TRPS1: variants seen among roughly 807,000 people sequenced by gnomAD.
The protein encoded by TRPS1 is zinc finger transcription factor Trps1.
A neutral mutation model predicts 101.2 loss-of-function variants in TRPS1; 6 were observed. The observed-to-expected ratio is 0.06, with a 90% confidence interval of 0.03 to 0.12. The LOEUF (loss-of-function observed/expected upper bound fraction) is 0.12. Among genes scored for constraint, TRPS1 ranks in the 10% least tolerant of loss-of-function variants. The pLI is 1.00. For missense variants in TRPS1, 1,363 were observed against 1,567.0 expected, an observed-to-expected ratio of 0.87 and a Z score of 2.20; for synonymous variants, 578 against 589.8, an observed-to-expected ratio of 0.98 and a Z score of 0.29.
chr8:115,589,981 G>A (rs546481302), intron 4 of TRPS1, among the ~76,000 whole-genome samples: 2 of 152,112 alleles, frequency 1.3e-5, no homozygotes, highest in African/African-American at 2.4e-5. Context: ...GCTGGGTGTG[G>A]TGGCGGGAGC....
intron 5 of TRPS1, among the ~76,000 whole-genome samples, chr8:115,527,867 C>T (rs750872481): frequency 2.9e-4 from 44 of 152,058 alleles, no homozygotes; most frequent in Non-Finnish European, 5.0e-4. Context: ...TATCTATTCT[C>T]AAAGTGTCAG....
rs764387571 is a variant in TRPS1, at chr8:115,414,368, C to G, written c.3540G>C (p.Ala1180=). 7.2e-5 allele frequency: 116 copies of G among 1,613,752 alleles called. No homozygotes were observed. The highest frequency in any genetic ancestry group is 9.4e-5 in the Non-Finnish European group (111 of 1,179,948). The change falls in exon 7 of 7, where the codon GCG becomes GCC. Residue 1180 remains alanine (A), a synonymous_variant. Transcript: ENST00000395715. This position sits in a 1 kb window ranked among gnomAD's most constrained non-coding sequence, Gnocchi z 4.8. The part of the protein sequence containing the change: ...GSDNDIPLDL[A]IKHSRPGPTA... ...TTGGCCCAGGTCTGGAATGCTTGAT[C>G]GCCAAATCTAGAGGAATGTCATTGT...
At chr8:115,530,302 T>C (rs1202309469) in intron 5 of TRPS1, among the ~76,000 whole-genome samples, 1 of 152,094 alleles carries the variant, frequency 6.6e-6, no homozygotes, top group Non-Finnish European at 1.5e-5. Context: ...AGCACTGTTC[T>C]GAGAAATTTA....
intron 5 of TRPS1, among the ~76,000 whole-genome samples, chr8:115,533,918 A>G (rs1003465273): frequency 6.6e-6 from 1 of 152,102 alleles, no homozygotes; most frequent in Admixed American, 6.5e-5. Context: ...ACTAATCCCC[A>G]TCAGACCAGG....
chr8:115,547,358 C>T (rs1182412936), intron 5 of TRPS1, among the ~76,000 whole-genome samples: 2 of 151,954 alleles, frequency 1.3e-5, no homozygotes, highest in East Asian at 1.9e-4. Flanking sequence ...TCTGCCTCTC[C>T]GTCTTTTTAA....
At chr8:115,595,295 G>C (rs1271633634) in intron 4 of TRPS1, among the ~76,000 whole-genome samples, 1 of 151,942 alleles carries the variant, frequency 6.6e-6, no homozygotes, top group Non-Finnish European at 1.5e-5. Flanking sequence ...TACTGCCACT[G>C]TAAAATGATA....
intron 5 of TRPS1, among the ~76,000 whole-genome samples, chr8:115,426,294 C>T (rs1385097871): frequency 6.6e-6 from 1 of 151,988 alleles, no homozygotes; most frequent in Non-Finnish European, 1.5e-5. Flanking sequence ...AAATTTGTTG[C>T]ATATTTTATT....
Position 115,509,644 on chromosome 8 carries a change from T to C in TRPS1, c.2700+77357A>G, listed in dbSNP as rs150694671. The C allele has an allele frequency of 1.5e-4, 23 of 152,156 alleles. No homozygotes were observed. The East Asian group carries it at 4.1e-3, about 27-fold the overall frequency. The allele number at this position is 152,156 out of a possible 1,614,324, so 9.4% of individuals were successfully genotyped here. A position where few individuals can be genotyped will look rare whatever the true frequency, so the allele number is the denominator to read the frequency against. ...AACCAGAATTTGCACTAGGGAAGTT[T>C]GAAAGAAGTTGATCCATTTTGAGAA... On this transcript the variant is annotated intron_variant, in intron 5 of 6. Coordinates refer to ENST00000395715, the MANE Select transcript of TRPS1 (RefSeq NM_014112.5).
At chr8:115,639,068 ATTTAT>A (rs1174760692) in intron 1 of TRPS1, among the ~76,000 whole-genome samples, 1 of 152,132 alleles carries the variant, frequency 6.6e-6, no homozygotes, top group Admixed American at 6.5e-5. Flanking sequence ...GATTTTATTT[ATTTAT>A]TTATTTCTGA....
At chr8:115,562,057 C>T (rs752431988) in intron 5 of TRPS1, among the ~76,000 whole-genome samples, 17 of 151,954 alleles carry the variant, frequency 1.1e-4, no homozygotes, top group Non-Finnish European at 1.6e-4. Context: ...TACATCAAGA[C>T]GATAGCAGTA....
chr8:115,463,124 T>C (rs564956977), intron 5 of TRPS1, among the ~76,000 whole-genome samples: 1 of 152,312 alleles, frequency 6.6e-6, no homozygotes, highest in South Asian at 2.1e-4. Flanking sequence ...AATGCATTCA[T>C]GATATTAACA....
intron 5 of TRPS1, among the ~76,000 whole-genome samples, chr8:115,447,074 C>T (rs1813755797): frequency 6.6e-6 from 1 of 152,134 alleles, no homozygotes; most frequent in South Asian, 2.1e-4. Flanking sequence ...GTTCCAGGAA[C>T]CTGTATTTTT....
intron 4 of TRPS1, among the ~76,000 whole-genome samples, chr8:115,590,140 A>G (rs1391799774): frequency 1.3e-5 from 2 of 151,806 alleles, no homozygotes; most frequent in Admixed American, 6.6e-5. Flanking sequence ...CAACAACAAC[A>G]AAAAAAACCC....
At chr8:115,538,190 T>G (rs1390978336) in intron 5 of TRPS1, among the ~76,000 whole-genome samples, 1 of 152,218 alleles carries the variant, frequency 6.6e-6, no homozygotes, top group Admixed American at 6.5e-5. Context: ...GACGGATTAG[T>G]GATGGGTGAA....
At chr8:115,665,726 C>T (rs867582031) in intron 1 of TRPS1, among the ~76,000 whole-genome samples, 2 of 152,148 alleles carry the variant, frequency 1.3e-5, no homozygotes, top group Non-Finnish European at 1.5e-5. Context: ...GCTATTATGA[C>T]ATTTTTCTCC....
intron 5 of TRPS1, among the ~76,000 whole-genome samples, chr8:115,465,085 G>T (rs1427934507): frequency 5.3e-5 from 8 of 152,000 alleles, no homozygotes; most frequent in Non-Finnish European, 1.5e-5. Flanking sequence ...CCTAGACTTT[G>T]TAACAACAGA....
intron 5 of TRPS1, among the ~76,000 whole-genome samples, chr8:115,491,559 T>A (rs1477247414): frequency 6.6e-6 from 1 of 151,934 alleles, no homozygotes; most frequent in Non-Finnish European, 1.5e-5. Flanking sequence ...GAGGGAGGAT[T>A]GTTTGAGATT....
intron 1 of TRPS1, among the ~76,000 whole-genome samples, chr8:115,655,360 G>A (rs753521457): frequency 1.8e-4 from 27 of 152,222 alleles, no homozygotes; most frequent in Admixed American, 2.6e-4. Flanking sequence ...GCCTAAACCC[G>A]TATTTTCTCC....
intron 2 of TRPS1, among the ~76,000 whole-genome samples, chr8:115,622,939 A>G (rs2130541747): frequency 1.3e-5 from 2 of 152,278 alleles, no homozygotes; most frequent in Middle Eastern, 6.8e-3. Flanking sequence ...ATCTAAATAC[A>G]TTAGTATTTT....
Sources: allele counts gnomAD v4.1 joint callset (sites outside exome capture counted in the v4.1 genomes callset), GRCh38; gene constraint gnomAD v4.1.1; non-coding constraint Gnocchi (gnomAD v3.1); transcripts MANE v1.5; gene names NCBI Gene and HGNC (gene_info 2026-07-23, HGNC 2026-07-21).